Variants in MMP16 observed in about 807,000 individuals in gnomAD.
The protein encoded by MMP16 is matrix metalloproteinase-16.
A neutral mutation model predicts 67.8 loss-of-function variants in MMP16; 12 were observed. The observed-to-expected ratio is 0.18, with a 90% CI of 0.11 to 0.29. The LOEUF is 0.29. Ranked by LOEUF, MMP16 falls within the 10% of genes least tolerant of loss-of-function variation. The pLI is 1.00. For synonymous variants in MMP16, 249 were observed against 255.9 expected (o/e 0.97, Z 0.26); for missense variants, 475 against 765.7 (o/e 0.62, Z 4.48).
At chr8:88,077,311 T>C (rs1808667295) in intron 6 of MMP16, among the ~76,000 whole-genome samples, 3 of 152,276 alleles carry the variant, frequency 2.0e-5, no homozygotes, top group Admixed American at 1.3e-4. Context: ...ATTTCAGAAA[T>C]AGGGTTTGTG....
At chr8:88,137,707 T>C (rs1204084771) in intron 4 of MMP16, among the ~76,000 whole-genome samples, 2 of 151,934 alleles carry the variant, frequency 1.3e-5, no homozygotes, top group African/African-American at 4.8e-5. Flanking sequence ...ATTTGAAGTA[T>C]CTTAATTTCA....
intron 4 of MMP16, among the ~76,000 whole-genome samples, chr8:88,148,197 A>C (rs997838470): frequency 6.6e-6 from 1 of 152,004 alleles, no homozygotes; most frequent in Admixed American, 6.6e-5. Context: ...TAGTCACTTG[A>C]TGTCTGCTCA....
intron 3 of MMP16, among the ~76,000 whole-genome samples, chr8:88,172,051 T>G (rs2129714161): frequency 6.6e-6 from 1 of 152,276 alleles, no homozygotes; most frequent in East Asian, 1.9e-4. Context: ...GGTCTCGAAC[T>G]CCTGACCTCA....
At chr8:88,184,380 T>C (rs1036725738) in intron 3 of MMP16, among the ~76,000 whole-genome samples, 1 of 151,696 alleles carries the variant, frequency 6.6e-6, no homozygotes, top group African/African-American at 2.4e-5. Flanking sequence ...TATTCTGCCA[T>C]GTGACCAGAA....
chr8:88,207,087 C>G (rs1294476285), intron 1 of MMP16, among the ~76,000 whole-genome samples: 5 of 152,082 alleles, frequency 3.3e-5, no homozygotes, highest in Non-Finnish European at 7.4e-5. Flanking sequence ...TTAGATATGT[C>G]ATGAATGTAT....
chr8:88,295,742 ATGT>A (rs773870256), intron 1 of MMP16, among the ~76,000 whole-genome samples: 30 of 152,202 alleles, frequency 2.0e-4, no homozygotes, highest in African/African-American at 3.1e-4. Context: ...TCTAAAACAC[ATGT>A]TGTTTAAAGA....
At chr8:88,218,608 ATTGAT>A (rs1809630576) in intron 1 of MMP16, among the ~76,000 whole-genome samples, 1 of 152,092 alleles carries the variant, frequency 6.6e-6, no homozygotes, top group Non-Finnish European at 1.5e-5. Flanking sequence ...AATGCATTTA[ATTGAT>A]TTATCAATTA....
chr8:88,289,689 AACACAC>A (rs4043664), intron 1 of MMP16, among the ~76,000 whole-genome samples: 7,585 of 143,830 alleles, frequency 0.053, 242 homozygotes, highest in African/African-American at 0.091. Context: ...TCCTAGAGGA[AACACAC>A]ACACACACAC....
chr8:88,116,785 A>C, intron 5 of MMP16, 67 bp from the exon 6 acceptor site: 1 of 1,374,660 alleles, frequency 7.3e-7, no homozygotes, highest in Non-Finnish European at 1.0e-6. Context: ...AATATGCTAC[A>C]GAGAACAATC....
rs1808118255 is a variant in MMP16 at position 88,040,602 on chromosome 8, G to A, written c.*859C>T. 6.6e-6 allele frequency: 1 copy of A among 152,482 alleles called. No homozygotes were observed. The highest frequency in any genetic ancestry group is 1.5e-5 in the Non-Finnish European group (1 of 68,024). The allele number at this position is 152,482 out of a possible 1,614,324, so 9.4% of individuals were successfully genotyped here. A position where few individuals can be genotyped will look rare whatever the true frequency, so the allele number is the denominator to read the frequency against. ...TGGGGCAATGGCCTAATACAACTTG[G>A]GAAGATTATCACAATGATGGAGGAG... is the stretch of plus-strand genomic sequence containing the variant. On this transcript the variant is annotated 3_prime_UTR_variant, in exon 10 of 10. Coordinates refer to ENST00000286614, the MANE Select transcript of MMP16 (RefSeq NM_005941.5).
intron 1 of MMP16, among the ~76,000 whole-genome samples, chr8:88,199,382 T>C (rs1341598357): frequency 1.3e-5 from 2 of 152,058 alleles, no homozygotes; most frequent in African/African-American, 2.4e-5. Context: ...CTGTCACTTA[T>C]GAAAGGGAGT....
At chr8:88,280,578 T>C (rs1179549948) in intron 1 of MMP16, among the ~76,000 whole-genome samples, 2 of 152,208 alleles carry the variant, frequency 1.3e-5, no homozygotes, top group African/African-American at 4.8e-5. Context: ...AGAAATTATT[T>C]TTATTTTGTT....
chr8:88,181,520 A>G (rs954826636), intron 3 of MMP16, among the ~76,000 whole-genome samples: 2 of 151,574 alleles, frequency 1.3e-5, no homozygotes, highest in Non-Finnish European at 3.0e-5. Flanking sequence ...GAAAGAATTC[A>G]AAGATCTCAA....
intron 7 of MMP16, among the ~76,000 whole-genome samples, chr8:88,071,472 A>G (rs1279476237): frequency 6.6e-6 from 1 of 152,126 alleles, no homozygotes; most frequent in African/African-American, 2.4e-5. Context: ...TGTCTAGCAC[A>G]GATTGGAAGA....
At chr8:88,110,580 G>A (rs1809317474) in intron 6 of MMP16, among the ~76,000 whole-genome samples, 1 of 151,560 alleles carries the variant, frequency 6.6e-6, no homozygotes, top group African/African-American at 2.4e-5. Context: ...ATTAAGCTGT[G>A]ACTGAAAGTA....
intron 1 of MMP16, 87 bp downstream of exon 1, chr8:88,326,988 T>G: frequency 3.2e-6 from 5 of 1,560,422 alleles, no homozygotes; most frequent in Non-Finnish European, 3.5e-6. Context: ...CAGGCTGCTC[T>G]GAGCTACAAG....
chr8:88,312,416 C>G (rs1490608730), intron 1 of MMP16, among the ~76,000 whole-genome samples: 5 of 152,080 alleles, frequency 3.3e-5, no homozygotes, highest in Admixed American at 6.6e-5. Context: ...AGGTTGGTTA[C>G]TAAGAACCGG....
intron 1 of MMP16, among the ~76,000 whole-genome samples, chr8:88,258,668 G>C (rs1316195035): frequency 6.6e-6 from 1 of 152,204 alleles, no homozygotes; most frequent in East Asian, 1.9e-4. Flanking sequence ...TTTACAATAA[G>C]AGGGAAGACG....
intron 6 of MMP16, among the ~76,000 whole-genome samples, chr8:88,078,362 T>C (rs753613676): frequency 6.6e-6 from 1 of 152,194 alleles, no homozygotes; most frequent in Non-Finnish European, 1.5e-5. Flanking sequence ...TTCACAGAGA[T>C]AAATTCACAT....
Sources: allele counts gnomAD v4.1 joint callset (sites outside exome capture counted in the v4.1 genomes callset), GRCh38; gene constraint gnomAD v4.1.1; transcripts MANE v1.5; gene names NCBI Gene and HGNC (gene_info 2026-07-23, HGNC 2026-07-21).